The following PCDH9 variants were observed in gnomAD, a reference collection of about 807,000 sequenced individuals.
The protein encoded by PCDH9 is protocadherin 9.
PCDH9 carries 24 observed loss-of-function variants against 70.6 expected under a neutral mutation model. That is an observed-to-expected ratio of 0.34 (90% CI 0.25 to 0.48). The LOEUF is 0.48. PCDH9 is among the 20% of genes least tolerant of loss of function. The probability of loss-of-function intolerance (pLI) is 0.99; values close to 1 mark genes in which losing one functional copy is unlikely to be tolerated. For missense variants in PCDH9, 1,281 were observed against 1,503.6 expected, an observed-to-expected ratio of 0.85 and a Z score of 2.45; for synonymous variants, 562 against 558.5, an observed-to-expected ratio of 1.01 and a Z score of -0.09.
chr13:66,737,586 G>A (rs546639981), intron 3 of PCDH9, among the ~76,000 whole-genome samples: 20 of 152,294 alleles, frequency 1.3e-4, no homozygotes, highest in South Asian at 1.2e-3. Context: ...CTGAGGTACC[G>A]GGTTCATCTC....
At chr13:67,150,345 G>A (rs888362471) in intron 2 of PCDH9, among the ~76,000 whole-genome samples, 1 of 152,086 alleles carries the variant, frequency 6.6e-6, no homozygotes, top group Admixed American at 6.5e-5. Context: ...CCCATAATTT[G>A]AGTTTTAATC....
intron 2 of PCDH9, chr13:67,203,894 A>C: frequency 6.6e-6 from 1 of 152,104 alleles, no homozygotes; most frequent in Admixed American, 6.6e-5. Context: ...TCTTAGTAGT[A>C]GAAAATGTTG....
At chr13:67,160,201 A>G (rs538584823) in intron 2 of PCDH9, among the ~76,000 whole-genome samples, 1 of 152,232 alleles carries the variant, frequency 6.6e-6, no homozygotes, top group African/African-American at 2.4e-5. Context: ...AAAGTTTTAT[A>G]AGTTTTCTTT....
At chr13:66,600,567 G>A (rs980374554) in intron 4 of PCDH9, among the ~76,000 whole-genome samples, 2 of 151,674 alleles carry the variant, frequency 1.3e-5, no homozygotes, top group African/African-American at 2.4e-5. Context: ...CCTCATACCA[G>A]CACTTAGGAA....
At chr13:66,929,323 AATTTTTTATAT>A (rs982878137) in intron 2 of PCDH9, among the ~76,000 whole-genome samples, 20 of 151,114 alleles carry the variant, frequency 1.3e-4, no homozygotes, top group African/African-American at 4.6e-4. Context: ...ATTAATTTTT[AATTTTTTATAT>A]ATTTTTTAGA....
chr13:67,024,349 G>A (rs982375327), intron 2 of PCDH9, among the ~76,000 whole-genome samples: 4 of 152,092 alleles, frequency 2.6e-5, no homozygotes, highest in Non-Finnish European at 5.9e-5. Flanking sequence ...ATGGGTCATC[G>A]TGTCTATGTT....
intron 4 of PCDH9, among the ~76,000 whole-genome samples, chr13:66,465,353 AT>A (rs1226606927): frequency 1.3e-5 from 2 of 151,934 alleles, no homozygotes; most frequent in Non-Finnish European, 2.9e-5. Flanking sequence ...AATCATTTAA[AT>A]CTTGTCATAA....
At chr13:66,539,397 C>T (rs1284991778) in intron 4 of PCDH9, among the ~76,000 whole-genome samples, 4 of 152,062 alleles carry the variant, frequency 2.6e-5, no homozygotes, top group African/African-American at 9.7e-5. Flanking sequence ...TGGTTACCAC[C>T]ATGTTGCTGT....
intron 3 of PCDH9, among the ~76,000 whole-genome samples, chr13:66,810,270 A>T (rs533268250): frequency 2.6e-5 from 4 of 151,968 alleles, no homozygotes; most frequent in African/African-American, 7.2e-5. Flanking sequence ...TAAATACAGA[A>T]TTTTTTTTAA....
intron 4 of PCDH9, among the ~76,000 whole-genome samples, chr13:66,316,348 A>AAC (rs1955651419): frequency 6.6e-6 from 1 of 152,210 alleles, no homozygotes; most frequent in Non-Finnish European, 1.5e-5. Context: ...TATTCAGACT[A>AAC]ACACAGTATT....
intron 4 of PCDH9, among the ~76,000 whole-genome samples, chr13:66,521,781 C>A (rs933952215): frequency 2.6e-5 from 4 of 151,954 alleles, no homozygotes; most frequent in Non-Finnish European, 5.9e-5. Flanking sequence ...ATTCACAAAA[C>A]AAAAACGATA....
rs537460719 is a variant in PCDH9 at position 66,983,292 on chromosome 13, A to G, written c.3037-79687T>C. ...TGAGATTAGGCATTTGGCACATAAA[A>G]AAATTTAAAAATTAAAAAAATAAAA... On this transcript the variant is annotated intron_variant, in intron 2 of 4. Coordinates refer to ENST00000377865, the MANE Select transcript of PCDH9 (RefSeq NM_203487.3). 1.4e-3 allele frequency among the ~76,000 whole-genome samples: 209 copies of G among 152,258 alleles called. 1 individual carries two copies. The highest frequency in any genetic ancestry group is 0.014 in the Middle Eastern group (4 of 294).
intron 2 of PCDH9, among the ~76,000 whole-genome samples, chr13:67,007,357 T>C (rs2084373024): frequency 6.6e-6 from 1 of 152,090 alleles, no homozygotes; most frequent in South Asian, 2.1e-4. Flanking sequence ...AGATAGTAAA[T>C]CTGTTAATAC....
intron 2 of PCDH9, among the ~76,000 whole-genome samples, chr13:66,952,896 G>T (rs1012646050): frequency 2.0e-5 from 3 of 152,032 alleles, no homozygotes; most frequent in African/African-American, 4.8e-5. Context: ...TCTTGTGTGG[G>T]CCCTGGAGGC....
rs1247114903 is a variant in PCDH9, at chr13:66,780,271, CA to C, written c.3138+123232del. ...TAAAAGGAAAGTTTGTTGATGGAAG[CA>C]AATCTATTTTTTGCCTAATTTTATT... is the stretch of plus-strand genomic sequence containing the variant. On this transcript the variant is annotated intron_variant, in intron 3 of 4. Coordinates refer to ENST00000377865, the MANE Select transcript of PCDH9 (RefSeq NM_203487.3). Among the ~76,000 whole-genome samples the C allele has an allele frequency of 2.0e-5, 3 of 152,062 alleles. 1 individual carries two copies. In the East Asian group the frequency reaches 5.8e-4, roughly 29 times the overall value.
chr13:66,419,131 CG>C (rs543141746), intron 4 of PCDH9, among the ~76,000 whole-genome samples: 7 of 151,950 alleles, frequency 4.6e-5, no homozygotes, highest in Non-Finnish European at 1.0e-4. Context: ...CAGGACCAGA[CG>C]GATTTTCTAT....
At chr13:66,792,908 T>A (rs535605129) in intron 3 of PCDH9, among the ~76,000 whole-genome samples, 1 of 150,958 alleles carries the variant, frequency 6.6e-6, no homozygotes, top group Non-Finnish European at 1.5e-5. Flanking sequence ...AGTGTATTGA[T>A]AGTGAAAATG....
intron 4 of PCDH9, among the ~76,000 whole-genome samples, chr13:66,590,540 G>A (rs1232321817): frequency 6.6e-6 from 1 of 151,814 alleles, no homozygotes; most frequent in Non-Finnish European, 1.5e-5. Context: ...TATTTAGCAG[G>A]GAATGAAGGT....
chr13:66,401,624 C>A (rs1404202673), intron 4 of PCDH9, among the ~76,000 whole-genome samples: 7 of 152,122 alleles, frequency 4.6e-5, no homozygotes, highest in Non-Finnish European at 1.5e-5. Flanking sequence ...CTGGCCCTCA[C>A]TAACCGAGAT....
Sources: gnomAD v4.1 joint callset for allele counts (sites outside exome capture counted in the v4.1 genomes callset) on GRCh38, gnomAD v4.1.1 for gene constraint, MANE v1.5 for transcripts, NCBI Gene and HGNC (gene_info 2026-07-23, HGNC 2026-07-21) for gene names.